Variants in MECOM observed in about 807,000 individuals in gnomAD.
The protein encoded by MECOM is MDS1 and EVI1 complex locus.
MECOM carries 13 observed loss-of-function variants against 116.3 expected under a neutral mutation model. That is an observed-to-expected ratio of 0.11 (90% CI 0.07 to 0.18). The LOEUF (loss-of-function observed/expected upper bound fraction) is 0.18. MECOM is among the 10% of genes least tolerant of loss of function. MECOM has a pLI of 1.00. For synonymous variants in MECOM, 528 were observed against 535.2 expected, an observed-to-expected ratio of 0.99 and a Z score of 0.19; for missense variants, 1,299 against 1,509.0, an observed-to-expected ratio of 0.86 and a Z score of 2.31.
chr3:169,615,303 C>T (rs183874316), intron 1 of MECOM, among the ~76,000 whole-genome samples: 40 of 152,310 alleles, frequency 2.6e-4, no homozygotes, highest in Admixed American at 2.2e-3. Flanking sequence ...CCCACAGGGG[C>T]TGAGACAGTG....
intron 2 of MECOM, among the ~76,000 whole-genome samples, chr3:169,284,812 A>C (rs995971107): frequency 1.3e-5 from 2 of 152,192 alleles, no homozygotes; most frequent in Non-Finnish European, 2.9e-5. Flanking sequence ...TTAATTTATT[A>C]TCATATAATT....
intron 2 of MECOM, among the ~76,000 whole-genome samples, chr3:169,300,781 G>A (rs986870145): frequency 5.3e-5 from 8 of 152,112 alleles, no homozygotes; most frequent in East Asian, 1.9e-4. Context: ...TAACCCAAAC[G>A]GGTTCCAACC....
At chr3:169,169,579 A>G (rs1327585575) in intron 2 of MECOM, among the ~76,000 whole-genome samples, 2 of 152,178 alleles carry the variant, frequency 1.3e-5, no homozygotes, top group Admixed American at 6.5e-5. Context: ...TCACTTATTC[A>G]GTACCCATGG....
chr3:169,307,365 T>G (rs1380364570), intron 2 of MECOM, among the ~76,000 whole-genome samples: 1 of 152,122 alleles, frequency 6.6e-6, no homozygotes, highest in Non-Finnish European at 1.5e-5. Context: ...AAGGATCACT[T>G]GAACCCAGGA....
At chr3:169,510,166 A>G (rs1026152329) in intron 1 of MECOM, among the ~76,000 whole-genome samples, 2 of 152,138 alleles carry the variant, frequency 1.3e-5, no homozygotes, top group African/African-American at 4.8e-5. Flanking sequence ...CATCCAGATC[A>G]GGAGGGCTGG....
chr3:169,514,826 A>C (rs564372956), intron 1 of MECOM, among the ~76,000 whole-genome samples: 1 of 152,318 alleles, frequency 6.6e-6, no homozygotes, highest in South Asian at 2.1e-4. Flanking sequence ...GCTTTAAAAC[A>C]ATCCCTTTAT....
intron 1 of MECOM, among the ~76,000 whole-genome samples, chr3:169,545,412 T>G (rs1339990928): frequency 1.3e-5 from 2 of 152,104 alleles, no homozygotes; most frequent in Non-Finnish European, 2.9e-5. Flanking sequence ...AAGGTTGGAA[T>G]GAACAAAGGT....
At chr3:169,438,000 C>T (rs184030390) in intron 1 of MECOM, among the ~76,000 whole-genome samples, 16 of 152,286 alleles carry the variant, frequency 1.1e-4, no homozygotes, top group East Asian at 1.9e-4. Flanking sequence ...TAGCACTCTA[C>T]GTATATTAGC....
In MECOM at chr3:169,519,556, T is replaced by C. The variant is rs182524634; in HGVS notation, c.38-138032A>G. 5.4e-4 allele frequency among the ~76,000 whole-genome samples: 82 copies of C among 152,358 alleles called. 1 individual carries two copies. The highest frequency in any genetic ancestry group is 1.9e-3 in the African/African-American group (79 of 41,582). On this transcript the variant is annotated intron_variant, in intron 1 of 16. Coordinates refer to ENST00000651503, the MANE Select transcript of MECOM (RefSeq NM_004991.4). ...GGTTGTGATACTGTGGTTTGTACTA[T>C]GTAAAATGCCCAATTCAGTATCTGG... is the stretch of plus-strand genomic sequence containing the variant.
intron 1 of MECOM, among the ~76,000 whole-genome samples, chr3:169,507,761 A>G (rs1032107361): frequency 1.4e-5 from 2 of 140,662 alleles, no homozygotes; most frequent in African/African-American, 5.4e-5. Flanking sequence ...TCCCGGGTTC[A>G]CGCCATTCTC....
intron 2 of MECOM, among the ~76,000 whole-genome samples, chr3:169,252,432 A>C (rs1036354155): frequency 6.6e-6 from 1 of 151,682 alleles, no homozygotes; most frequent in Non-Finnish European, 1.5e-5. Context: ...GACCAAGTAC[A>C]TATTCATATT....
intron 2 of MECOM, among the ~76,000 whole-genome samples, chr3:169,168,811 A>G (rs1402579944): frequency 6.6e-6 from 1 of 152,026 alleles, no homozygotes; most frequent in Non-Finnish European, 1.5e-5. Flanking sequence ...GCAAATTTGT[A>G]TACAAAAGTA....
intron 2 of MECOM, among the ~76,000 whole-genome samples, chr3:169,238,406 G>A (rs1754368873): frequency 6.6e-6 from 1 of 152,046 alleles, no homozygotes; most frequent in African/African-American, 2.4e-5. Context: ...CATGCGAAGA[G>A]TTACTGAAAC....
At position 169,116,510 on chromosome 3, in the gene MECOM, C is replaced by G. The variant is rs746933776; in HGVS notation, c.1362G>C (p.Thr454=). The change falls in exon 8 of 17, where the codon ACG becomes ACC. Residue 454 remains threonine (T), a synonymous_variant. Transcript: ENST00000651503. ...TGGCATGACTCATATTAACCATGGA[C>G]GTTTTATCCATAGCTGGGGTTCCAG... ...SLPGTPAMDK[T]SMVNMSHANP... 1 of 1,614,120 alleles carries G rather than the reference C, an allele frequency of 6.2e-7. No individual in the cohort carries two copies. The highest frequency in any genetic ancestry group is 1.3e-5 in the African/African-American group (1 of 75,020).
chr3:169,663,471 C>CCTGT lies in MECOM; in HGVS notation c.-103_-100dup. 1.9e-6 allele frequency: 2 copies of CCTGT among 1,034,282 alleles called. No individual in the cohort carries two copies. Among genetic ancestry groups the CCTGT allele is most frequent in the Non-Finnish European group, 2.8e-6 (2 of 716,298 alleles). The allele number at this position is 1,034,282 out of a possible 1,614,324, so 64.1% of individuals were successfully genotyped here. On this transcript the variant is annotated 5_prime_UTR_variant, in exon 1 of 17. Transcript: ENST00000651503. ...TCCCTCTCGCTCCCTCCCTCTCTCTCCTGTCTCTCTCTCTCTCTCTCTCTC... is the reference window on the plus strand; with the variant it reads ...TCCCTCTCGCTCCCTCCCTCTCTCTCCTGTCTGTCTCTCTCTCTCTCTCTCTCTC...
At chr3:169,632,108 C>T (rs574856567) in intron 1 of MECOM, among the ~76,000 whole-genome samples, 1 of 152,272 alleles carries the variant, frequency 6.6e-6, no homozygotes, top group East Asian at 1.9e-4. Flanking sequence ...CCAGCTTGAA[C>T]TGAGAGCAAG....
intron 1 of MECOM, among the ~76,000 whole-genome samples, chr3:169,475,240 G>T (rs545065401): frequency 3.9e-5 from 6 of 152,160 alleles, no homozygotes; most frequent in Non-Finnish European, 7.4e-5. Context: ...ACTTCATTCT[G>T]AAAGTCATTT....
chr3:169,598,616 G>C (rs139768842), intron 1 of MECOM, among the ~76,000 whole-genome samples: 1 of 152,190 alleles, frequency 6.6e-6, no homozygotes, highest in Non-Finnish European at 1.5e-5. Context: ...AACTAGCCAT[G>C]GGATCCTGAT....
intron 2 of MECOM, among the ~76,000 whole-genome samples, chr3:169,309,838 C>T (rs1718411035): frequency 6.6e-6 from 1 of 152,186 alleles, no homozygotes; most frequent in Admixed American, 6.5e-5. Flanking sequence ...CCTCAGTTTC[C>T]TCACCTGTAA....
Sources: allele counts gnomAD v4.1 joint callset (sites outside exome capture counted in the v4.1 genomes callset), GRCh38; gene constraint gnomAD v4.1.1; transcripts MANE v1.5; gene names NCBI Gene and HGNC (gene_info 2026-07-23, HGNC 2026-07-21).